Variants in CSMD2 observed in about 807,000 individuals in gnomAD.
CSMD2 encodes CUB and Sushi multiple domains 2, also known as CUB and sushi domain-containing protein 2.
Under a neutral mutation model 398.5 loss-of-function variants are expected in CSMD2, and 130 were observed. That is an observed-to-expected ratio of 0.33 (90% confidence interval 0.28 to 0.38). The LOEUF is 0.38. CSMD2 is among the 10% of genes least tolerant of loss of function. CSMD2 has a pLI of 1.00. For synonymous variants in CSMD2, 1,828 were observed against 1,908.5 expected (o/e 0.96, Z 1.10); for missense variants, 3,829 against 4,764.9 (o/e 0.80, Z 5.78).
chr1:33,963,558 TTCTCC>T (rs1035410946), intron 3 of CSMD2, among the ~76,000 whole-genome samples: 63 of 152,216 alleles, frequency 4.1e-4, no homozygotes, highest in African/African-American at 1.3e-3. Context: ...TGCAGTCCCT[TTCTCC>T]TCTCCTCTCT....
chr1:33,761,964 ACCTCC>A (rs1377624948), intron 13 of CSMD2, among the ~76,000 whole-genome samples: 1 of 151,714 alleles, frequency 6.6e-6, no homozygotes, highest in African/African-American at 2.4e-5. Context: ...CTCTGAACCC[ACCTCC>A]CCTGAGTCAC....
rs372147314 is a variant in CSMD2, at chr1:34,042,153, G to T, written c.405-9447C>A. 2.5e-4 allele frequency among the ~76,000 whole-genome samples: 38 copies of T among 152,358 alleles called. 1 individual carries two copies. In the South Asian group the frequency reaches 7.9e-3, roughly 32 times the overall value. On this transcript the variant is annotated intron_variant, in intron 2 of 70. Coordinates refer to ENST00000373381, the MANE Select transcript of CSMD2 (RefSeq NM_001281956.2). ...GGTTGACCCCATTACTGGAGTAAAT[G>T]TAAGTCTTGATTCCTGCTTGATAGA...
At chr1:33,617,120 G>C in intron 38 of CSMD2, 145 bp from the exon 39 acceptor site, 1 of 632,336 alleles carries the variant, frequency 1.6e-6, no homozygotes, top group Non-Finnish European at 2.9e-6. Flanking sequence ...TGTGGGATGG[G>C]AGTGAGGTAG....
intron 3 of CSMD2, among the ~76,000 whole-genome samples, chr1:34,007,822 G>T (rs1480219112): frequency 6.6e-6 from 1 of 152,132 alleles, no homozygotes; most frequent in Non-Finnish European, 1.5e-5. Context: ...ATTAATTGTG[G>T]TTATATCTAG....
chr1:33,586,733 A>G, intron 45 of CSMD2, 116 bp from the exon 46 acceptor site: 1 of 677,270 alleles, frequency 1.5e-6, no homozygotes, highest in Non-Finnish European at 2.7e-6. Flanking sequence ...GACTTAAATA[A>G]CTAGCTCAGC....
chr1:34,087,255 T>C (rs895966492), intron 2 of CSMD2, among the ~76,000 whole-genome samples: 3 of 151,908 alleles, frequency 2.0e-5, no homozygotes. Flanking sequence ...GGAAAGACCA[T>C]CCCTGACCAC....
intron 25 of CSMD2, among the ~76,000 whole-genome samples, chr1:33,682,603 T>C (rs1397644720): frequency 6.6e-6 from 1 of 152,002 alleles, no homozygotes; most frequent in African/African-American, 2.4e-5. Flanking sequence ...CTTAGGAGGG[T>C]TGGATTAGTT....
At chr1:33,722,618 T>C (rs1646393551) in intron 19 of CSMD2, among the ~76,000 whole-genome samples, 1 of 152,348 alleles carries the variant, frequency 6.6e-6, no homozygotes, top group Middle Eastern at 3.4e-3. Flanking sequence ...GGCATATGTC[T>C]CCTAAAAATT....
At chr1:33,678,313 TAA>T (rs5773424) in intron 25 of CSMD2, among the ~76,000 whole-genome samples, 5,386 of 140,716 alleles carry the variant, frequency 0.038, 271 homozygotes, top group African/African-American at 0.11. Context: ...CTTTATAAAT[TAA>T]AAAAAAAAAA....
At chr1:33,850,236 C>T (rs531184769) in intron 5 of CSMD2, among the ~76,000 whole-genome samples, 6 of 152,290 alleles carry the variant, frequency 3.9e-5, no homozygotes, top group Middle Eastern at 3.4e-3. Context: ...CGCACACACA[C>T]ACACACACAG....
intron 1 of CSMD2, among the ~76,000 whole-genome samples, chr1:34,117,199 G>C (rs1232307431): frequency 1.3e-5 from 2 of 151,964 alleles, no homozygotes; most frequent in African/African-American, 4.8e-5. Context: ...ACAAAATTAA[G>C]AGTTGATTTT....
chr1:33,566,269 T>C (rs946118833), intron 53 of CSMD2, among the ~76,000 whole-genome samples: 1 of 150,262 alleles, frequency 6.7e-6, no homozygotes, highest in African/African-American at 2.4e-5. Context: ...GTAAAAATAT[T>C]AGACTTTAGG....
Position 34,153,669 on chromosome 1 carries a change from C to T in CSMD2, c.187+11242G>A, listed in dbSNP as rs532110503. Among the ~76,000 whole-genome samples, 7 of 152,326 alleles carry T rather than the reference C, an allele frequency of 4.6e-5. No homozygotes were observed. The South Asian group carries it at 1.2e-3, about 27-fold the overall frequency. On this transcript the variant is annotated intron_variant, in intron 1 of 70. Transcript: ENST00000373381. ...TATAGCATCCATCCATTAAATTGTA[C>T]TTTAACTGGGGCCTTCGGGAAACAC...
intron 56 of CSMD2, among the ~76,000 whole-genome samples, chr1:33,548,909 C>T (rs1657160740): frequency 6.6e-6 from 1 of 152,288 alleles, no homozygotes; most frequent in Admixed American, 6.5e-5. Context: ...CTTCCTCTAG[C>T]CCAGCTAAAT....
chr1:34,105,854 G>A (rs991641697), intron 1 of CSMD2, among the ~76,000 whole-genome samples: 4 of 152,144 alleles, frequency 2.6e-5, no homozygotes, highest in Non-Finnish European at 5.9e-5. Flanking sequence ...TCTTACCAGT[G>A]ACAAATTCAC....
chr1:34,075,072 C>A (rs1242557704), intron 2 of CSMD2, among the ~76,000 whole-genome samples: 1 of 152,240 alleles, frequency 6.6e-6, no homozygotes, highest in Non-Finnish European at 1.5e-5. Flanking sequence ...GTCTCTGATA[C>A]CTGGCATTCC....
chr1:33,939,162 C>A (rs911669210), intron 3 of CSMD2, among the ~76,000 whole-genome samples: 1 of 151,998 alleles, frequency 6.6e-6, no homozygotes, highest in African/African-American at 2.4e-5. Flanking sequence ...TGATCCCACA[C>A]TACTGGCTTA....
In CSMD2 at chr1:33,890,050, AAAGAG is replaced by A. The variant is rs1482156442; in HGVS notation, c.920+28039_920+28043del. On this transcript the variant is annotated intron_variant, in intron 5 of 70. Coordinates refer to ENST00000373381, the MANE Select transcript of CSMD2 (RefSeq NM_001281956.2). The stretch of plus-strand genomic sequence containing the variant: ...AAAAACAAAGCCATACCTATAAAAA[AAAGAG>A]AAAGAAATGAATCAAAATGTTCATG... Among the ~76,000 whole-genome samples the A allele has an allele frequency of 5.4e-5, 4 of 74,736 alleles. No individual in the cohort carries two copies. The African/African-American group carries it at 5.5e-4, about 10-fold the overall frequency. 49.0% of individuals were successfully genotyped at this position (74,736 alleles called of 152,430 possible).
intron 5 of CSMD2, among the ~76,000 whole-genome samples, chr1:33,898,293 T>C (rs1160787084): frequency 6.6e-6 from 1 of 152,176 alleles, no homozygotes; most frequent in East Asian, 1.9e-4. Context: ...GCACTGCAAA[T>C]TGAATGAGAA....
Sources: allele counts gnomAD v4.1 joint callset (sites outside exome capture counted in the v4.1 genomes callset), GRCh38; gene constraint gnomAD v4.1.1; transcripts MANE v1.5; gene names NCBI Gene and HGNC (gene_info 2026-07-23, HGNC 2026-07-21).